CNTNAP2: variants seen among roughly 807,000 people sequenced by gnomAD.
CNTNAP2 encodes contactin-associated protein-like 2.
A neutral mutation model predicts 155.2 loss-of-function variants in CNTNAP2; 98 were observed. That is an observed-to-expected ratio of 0.63 (90% CI 0.54 to 0.75). CNTNAP2 has a LOEUF of 0.75. CNTNAP2 is among the 30% of genes least tolerant of loss of function. The probability of loss-of-function intolerance (pLI) is 0.00; values close to 1 mark genes in which losing one functional copy is unlikely to be tolerated. For missense variants in CNTNAP2, 1,727 were observed against 1,688.1 expected (o/e 1.02, Z -0.40); for synonymous variants, 651 against 631.2 (o/e 1.03, Z -0.47).
rs1209535268 is a variant in CNTNAP2, at chr7:147,218,037, G to C, written c.1349-82104G>C. 2.0e-5 allele frequency among the ~76,000 whole-genome samples: 3 copies of C among 151,884 alleles called. No individual in the cohort carries two copies. The East Asian group carries it at 5.8e-4, about 29-fold the overall frequency. ...TAATTTACATCCTCTCTTCTTTTTAGTTAGCCTAGCTAGAGGCTTATTGAT... is the reference window on the plus strand; with the variant it reads ...TAATTTACATCCTCTCTTCTTTTTACTTAGCCTAGCTAGAGGCTTATTGAT... On this transcript the variant is annotated intron_variant, in intron 8 of 23. Coordinates refer to ENST00000361727, the MANE Select transcript of CNTNAP2 (RefSeq NM_014141.6).
chr7:148,166,490 T>G (rs1585162551), intron 17 of CNTNAP2, among the ~76,000 whole-genome samples: 1 of 59,662 alleles, frequency 1.7e-5, no homozygotes, highest in Admixed American at 1.6e-4. Flanking sequence ...AGGACAGTGT[T>G]TTTTTTTTTA....
intron 10 of CNTNAP2, among the ~76,000 whole-genome samples, chr7:147,411,548 G>C (rs1413625134): frequency 6.6e-6 from 1 of 152,100 alleles, no homozygotes; most frequent in Non-Finnish European, 1.5e-5. Context: ...CCGAGACCCA[G>C]ACTCAAACAT....
intron 21 of CNTNAP2, among the ~76,000 whole-genome samples, chr7:148,269,173 G>T (rs1796729652): frequency 6.6e-6 from 1 of 152,186 alleles, no homozygotes; most frequent in African/African-American, 2.4e-5. Context: ...AAGACAGTGG[G>T]GAGTGGCAAG....
At chr7:147,326,148 T>A (rs1197308125) in intron 9 of CNTNAP2, among the ~76,000 whole-genome samples, 3 of 152,260 alleles carry the variant, frequency 2.0e-5, no homozygotes, top group African/African-American at 7.2e-5. Flanking sequence ...ATGGTCTCGA[T>A]CTCCTGACCT....
intron 13 of CNTNAP2, among the ~76,000 whole-genome samples, chr7:147,764,498 G>T (rs746667160): frequency 6.6e-6 from 1 of 152,088 alleles, no homozygotes; most frequent in Non-Finnish European, 1.5e-5. Context: ...CTATGATATG[G>T]CTCCCTCCTA....
At chr7:147,730,047 G>A (rs868529745) in intron 13 of CNTNAP2, among the ~76,000 whole-genome samples, 1 of 152,092 alleles carries the variant, frequency 6.6e-6, no homozygotes, top group Non-Finnish European at 1.5e-5. Flanking sequence ...CTATGAAGAT[G>A]GAAGTTGACT....
At chr7:147,994,388 A>G (rs1801766719) in intron 15 of CNTNAP2, among the ~76,000 whole-genome samples, 1 of 151,042 alleles carries the variant, frequency 6.6e-6, no homozygotes, top group African/African-American at 2.4e-5. Context: ...AAAAAAAGGA[A>G]CTTGGCATTT....
At chr7:148,057,986 A>ATTATTG (rs1253910085) in intron 15 of CNTNAP2, among the ~76,000 whole-genome samples, 3 of 147,790 alleles carry the variant, frequency 2.0e-5, no homozygotes, top group African/African-American at 2.5e-5. Flanking sequence ...TATTATTATT[A>ATTATTG]TTGTTATTAT....
At chr7:147,885,788 C>T (rs1426762377) in intron 13 of CNTNAP2, among the ~76,000 whole-genome samples, 1 of 152,176 alleles carries the variant, frequency 6.6e-6, no homozygotes, top group Non-Finnish European at 1.5e-5. Context: ...CGCTCGTTTA[C>T]CTGCTAGAAG....
At chr7:147,433,650 T>A (rs535933155) in intron 10 of CNTNAP2, among the ~76,000 whole-genome samples, 2 of 152,332 alleles carry the variant, frequency 1.3e-5, no homozygotes, top group South Asian at 4.1e-4. Flanking sequence ...TATTTTCAGA[T>A]CAATCAAAAT....
chr7:146,677,563 A>G (rs1800423253), intron 1 of CNTNAP2, among the ~76,000 whole-genome samples: 1 of 152,092 alleles, frequency 6.6e-6, no homozygotes, highest in African/African-American at 2.4e-5. Context: ...TACATATCCA[A>G]TAGGTAGCCT....
chr7:146,804,758 T>G (rs973432851), intron 2 of CNTNAP2, among the ~76,000 whole-genome samples: 3 of 152,146 alleles, frequency 2.0e-5, no homozygotes, highest in Non-Finnish European at 2.9e-5. Context: ...TAACATGAAA[T>G]AGCTACACTC....
At chr7:147,784,157 T>C (rs1797697624) in intron 13 of CNTNAP2, among the ~76,000 whole-genome samples, 1 of 151,904 alleles carries the variant, frequency 6.6e-6, no homozygotes, top group South Asian at 2.1e-4. Flanking sequence ...GCAGCCATAT[T>C]GGATTATAGC....
chr7:147,413,662 C>G (rs1286307794), intron 10 of CNTNAP2, among the ~76,000 whole-genome samples: 1 of 152,192 alleles, frequency 6.6e-6, no homozygotes, highest in Non-Finnish European at 1.5e-5. Context: ...CATCTGGGAT[C>G]TTGTCAAAAC....
intron 3 of CNTNAP2, among the ~76,000 whole-genome samples, chr7:146,914,936 T>C (rs1339984441): frequency 6.6e-6 from 1 of 152,152 alleles, no homozygotes. Flanking sequence ...TCTTCTAGAA[T>C]TTTTATAGTT....
intron 15 of CNTNAP2, among the ~76,000 whole-genome samples, chr7:148,035,259 C>T (rs1442148303): frequency 6.6e-6 from 1 of 152,104 alleles, no homozygotes; most frequent in Non-Finnish European, 1.5e-5. Context: ...TAGAAAGAAG[C>T]CAGGTGCTAT....
intron 10 of CNTNAP2, among the ~76,000 whole-genome samples, chr7:147,441,594 C>T (rs985747677): frequency 3.3e-5 from 5 of 152,168 alleles, no homozygotes; most frequent in Middle Eastern, 3.4e-3. Flanking sequence ...TGTTTGTACC[C>T]GTCCTTCTTG....
intron 13 of CNTNAP2, among the ~76,000 whole-genome samples, chr7:147,847,932 C>T (rs953235398): frequency 7.7e-6 from 1 of 130,654 alleles, no homozygotes; most frequent in African/African-American, 2.9e-5. Flanking sequence ...CAGGGACCCA[C>T]TTGAGGAGGC....
At chr7:148,380,762 T>C (rs767985307) in intron 21 of CNTNAP2, among the ~76,000 whole-genome samples, 44 of 152,292 alleles carry the variant, frequency 2.9e-4, no homozygotes, top group Admixed American at 5.2e-4. Flanking sequence ...GGAGACTTAA[T>C]GGGATACTGC....
Sources: allele counts gnomAD v4.1 joint callset (sites outside exome capture counted in the v4.1 genomes callset), GRCh38; gene constraint gnomAD v4.1.1; transcripts MANE v1.5; gene names NCBI Gene and HGNC (gene_info 2026-07-23, HGNC 2026-07-21).